The following KMT2C variants were observed in gnomAD, a reference collection of about 807,000 sequenced individuals.
KMT2C encodes lysine methyltransferase 2C.
KMT2C carries 88 observed loss-of-function variants against 507.9 expected under a neutral mutation model. That is an observed-to-expected ratio of 0.17 (90% confidence interval 0.15 to 0.21). KMT2C has a LOEUF of 0.21. KMT2C is among the 10% of genes least tolerant of loss of function. The probability of loss-of-function intolerance (pLI) is 1.00; values close to 1 mark genes in which losing one functional copy is unlikely to be tolerated. For synonymous variants in KMT2C, 2,049 were observed against 2,080.8 expected (o/e 0.98, Z 0.42); for missense variants, 4,954 against 5,957.8 (o/e 0.83, Z 5.55).
chr7:152,136,534 G>GA lies in KMT2C; in HGVS notation c.*297dup. The stretch of plus-strand genomic sequence containing the variant: ...AAAACAATGAAACCCACCCACAAGG[G>GA]AAAAACAAAACAAAAAACAAACAAA... On this transcript the variant is annotated 3_prime_UTR_variant, in exon 59 of 59. Transcript: ENST00000262189. The GA allele has an allele frequency of 3.1e-6, 1 of 322,798 alleles. No homozygotes were observed. Among genetic ancestry groups the GA allele is most frequent in the Non-Finnish European group, 5.7e-6 (1 of 176,324 alleles). 20.0% of individuals were successfully genotyped at this position (322,798 alleles called of 1,614,324 possible). A position where few individuals can be genotyped will look rare whatever the true frequency, so the allele number is the denominator to read the frequency against.
intron 9 of KMT2C, among the ~76,000 whole-genome samples, chr7:152,255,224 T>C (rs1230027406): frequency 6.8e-6 from 1 of 147,952 alleles, no homozygotes; most frequent in Non-Finnish European, 1.5e-5. Flanking sequence ...TGGAATACAG[T>C]AGCATGATCA....
In KMT2C at chr7:152,180,069, G is replaced by C. The variant is rs767365126; in HGVS notation, c.7207C>G (p.Arg2403Gly). Residue 2403 changes from arginine to glycine, a missense_variant, in exon 37 of 59, where the codon CGA becomes GGA. Physicochemically the swap from Arg to Gly is moderately radical, Grantham distance 125. Coordinates refer to ENST00000262189, the MANE Select transcript of KMT2C (RefSeq NM_170606.3). ...QQQQQKKIAG[R>G]QEKGSQDSPA... ...GAGTCCTGTGACCCCTTCTCCTGTC[G>C]ACCTGCAATCTTCTTCTGCTGTTGC... The C allele has an allele frequency of 6.2e-7, 1 of 1,614,142 alleles. No individual in the cohort carries two copies. Among genetic ancestry groups the C allele is most frequent in the South Asian group, 1.1e-5 (1 of 91,074 alleles).
intron 1 of KMT2C, among the ~76,000 whole-genome samples, chr7:152,430,184 G>GAAAAAAAA (rs59960992): frequency 3.4e-5 from 3 of 87,132 alleles, no homozygotes; most frequent in Admixed American, 1.2e-4. Context: ...TCAAAAAAAA[G>GAAAAAAAA]AAAAAAAAAA....
intron 40 of KMT2C, 104 bp from the exon 41 acceptor site, chr7:152,169,353 C>T: frequency 1.5e-6 from 1 of 675,256 alleles, no homozygotes; most frequent in Non-Finnish European, 2.6e-6. Context: ...AGAAAAAACC[C>T]TTTAATTTCC....
Position 152,194,586 on chromosome 7 carries a change from ATAAATT to A in KMT2C, c.4379-24_4379-19del, listed in dbSNP as rs1242060440. The A allele has an allele frequency of 6.2e-7, 1 of 1,606,250 alleles. No homozygotes were observed. Among genetic ancestry groups the A allele is most frequent in the Non-Finnish European group, 8.5e-7 (1 of 1,173,846 alleles). On this transcript the variant is annotated intron_variant, in intron 28 of 58. Coordinates refer to ENST00000262189, the MANE Select transcript of KMT2C (RefSeq NM_170606.3). ...ACCAATATCTACAAGAGTAAGGAAA[ATAAATT>A]TAAAGGTACATTCAGAATACTCACA... is the stretch of plus-strand genomic sequence containing the variant.
intron 2 of KMT2C, among the ~76,000 whole-genome samples, chr7:152,332,892 A>AC (rs1305747560): frequency 2.0e-4 from 30 of 151,378 alleles, no homozygotes; most frequent in African/African-American, 6.6e-4. Flanking sequence ...ACACACACAC[A>AC]AATTATTCTC....
At chr7:152,421,957 A>C (rs113316563) in intron 1 of KMT2C, among the ~76,000 whole-genome samples, 3 of 152,132 alleles carry the variant, frequency 2.0e-5, no homozygotes, top group Non-Finnish European at 2.9e-5. Flanking sequence ...TATGGAATGA[A>C]TGTAGGACAT....
At position 152,187,257 on chromosome 7, in the gene KMT2C, C is replaced by A; in HGVS notation, c.5008+5G>T. The A allele has an allele frequency of 6.2e-7, 1 of 1,606,938 alleles. No homozygotes were observed. The highest frequency in any genetic ancestry group is 8.5e-7 in the Non-Finnish European group (1 of 1,173,682). ...TAAAACAGAAATAATATATTCATGG[C>A]TTACCAGGGAATTCTTCCTTTAAGT... On this transcript the variant is annotated splice_donor_5th_base_variant and intron_variant, in intron 33 of 58. Coordinates refer to ENST00000262189, the MANE Select transcript of KMT2C (RefSeq NM_170606.3).
intron 6 of KMT2C, among the ~76,000 whole-genome samples, chr7:152,290,635 A>T (rs1227783508): frequency 1.3e-5 from 2 of 151,960 alleles, no homozygotes; most frequent in Non-Finnish European, 2.9e-5. Flanking sequence ...AAGGGTAAAG[A>T]TATAAAGTTC....
intron 42 of KMT2C, among the ~76,000 whole-genome samples, chr7:152,165,103 T>G (rs1406788467): frequency 1.3e-5 from 2 of 152,258 alleles, no homozygotes; most frequent in South Asian, 2.1e-4. Context: ...TTATTTTTCC[T>G]GGCCAGTTTA....
chr7:152,178,028 A>T lies in KMT2C; in HGVS notation c.7443-18T>A, dbSNP rs1563266076. 3.6e-6 allele frequency: 5 copies of T among 1,390,610 alleles called. No homozygotes were observed. Among genetic ancestry groups the T allele is most frequent in the African/African-American group, 3.2e-5 (2 of 62,454 alleles). 86.1% of individuals were successfully genotyped at this position (1,390,610 alleles called of 1,614,324 possible). On this transcript the variant is annotated intron_variant, in intron 37 of 58. Coordinates refer to ENST00000262189, the MANE Select transcript of KMT2C (RefSeq NM_170606.3). The stretch of plus-strand genomic sequence containing the variant: ...ATCCAAATCTTTTAAAAAAAAAAAA[A>T]AAAAAAAAAAAAAAGCAAATAGGTA...
At chr7:152,384,548 A>ACACCACCACCAC (rs71198780) in intron 1 of KMT2C, among the ~76,000 whole-genome samples, 41 of 62,218 alleles carry the variant, frequency 6.6e-4, no homozygotes, top group East Asian at 2.2e-3. Context: ...CATGTGCATA[A>ACACCACCACCAC]CACCACCACC....
At chr7:152,290,258 G>GTATATATATATATATATATA (rs746466676) in intron 6 of KMT2C, among the ~76,000 whole-genome samples, 1 of 26,242 alleles carries the variant, frequency 3.8e-5, no homozygotes, top group African/African-American at 1.4e-4. Context: ...GTGTGTATGT[G>GTATATATATATATATATATA]TATATATATA....
chr7:152,335,855 T>C (rs1473415600), intron 2 of KMT2C, among the ~76,000 whole-genome samples: 1 of 152,140 alleles, frequency 6.6e-6, no homozygotes, highest in African/African-American at 2.4e-5. Flanking sequence ...TACAACCTTT[T>C]GAAATTATGT....
At position 152,176,615 on chromosome 7, in the gene KMT2C, G is replaced by T. The variant is rs2129113341; in HGVS notation, c.8838C>A (p.Ser2946=). ...GSPPPPTLPA[S]PSNHVSSLPP... ...GCAAACTTGACACATGATTGGATGG[G>T]GAGGCCGGCAGAGTTGGTGGTGGTG... The change falls in exon 38 of 59, where the codon TCC becomes TCA. Residue 2946 remains serine, a synonymous_variant. Transcript: ENST00000262189. 1 of 1,614,186 alleles carries T rather than the reference G, an allele frequency of 6.2e-7. No homozygotes were observed. The highest frequency in any genetic ancestry group is 8.5e-7 in the Non-Finnish European group (1 of 1,180,028).
rs772930514 is a variant in KMT2C, at chr7:152,176,318, G to A, written c.9135C>T (p.Pro3045=). ...QTLAQQNRER[P]LLLEEQPLLL... ...GTAGAGGCTGTTCTTCTAGAAGAAG[G>A]GGCCTCTCTCTATTCTGCTGTGCTA... The change falls in exon 38 of 59, where the codon CCC becomes CCT. Residue 3045 remains proline, a synonymous_variant. Coordinates refer to ENST00000262189, the MANE Select transcript of KMT2C (RefSeq NM_170606.3). 6 of 1,613,908 alleles carry A rather than the reference G, an allele frequency of 3.7e-6. No homozygotes were observed. Among genetic ancestry groups the A allele is most frequent in the African/African-American group, 1.3e-5 (1 of 74,864 alleles).
intron 6 of KMT2C, among the ~76,000 whole-genome samples, chr7:152,276,199 G>A: frequency 6.6e-6 from 1 of 152,144 alleles, no homozygotes; most frequent in Non-Finnish European, 1.5e-5. Context: ...CTAATGAAGA[G>A]CACTCGGCAT....
intron 1 of KMT2C, among the ~76,000 whole-genome samples, chr7:152,410,385 T>C (rs1404176071): frequency 2.1e-5 from 3 of 146,264 alleles, no homozygotes; most frequent in African/African-American, 5.1e-5. Flanking sequence ...GCACTCCAGC[T>C]TGGGCGACGG....
intron 55 of KMT2C, among the ~76,000 whole-genome samples, chr7:152,141,883 A>G (rs753674765): frequency 6.6e-6 from 1 of 152,112 alleles, no homozygotes; most frequent in Non-Finnish European, 1.5e-5. Context: ...TTAGCCAAGT[A>G]TTGTGGCATG....
Sources: gnomAD v4.1 joint callset for allele counts (sites outside exome capture counted in the v4.1 genomes callset) on GRCh38, gnomAD v4.1.1 for gene constraint, MANE v1.5 for transcripts, NCBI Gene and HGNC (gene_info 2026-07-23, HGNC 2026-07-21) for gene names.